The following RGMB variants were observed in gnomAD, a reference collection of about 807,000 sequenced individuals.
RGMB encodes the protein repulsive guidance molecule B.
In RGMB, 16 loss-of-function variants were observed where a neutral mutation model predicts 26.9. That is an observed-to-expected ratio of 0.60 (90% CI 0.40 to 0.90). The LOEUF (loss-of-function observed/expected upper bound fraction) is 0.90, where lower values mean the gene tolerates loss of function less well. Among genes scored for constraint, RGMB ranks in the 40% least tolerant of loss-of-function variants. The pLI is 0.00. For synonymous variants in RGMB, 225 were observed against 229.3 expected (o/e 0.98, Z 0.17); for missense variants, 512 against 573.3 (o/e 0.89, Z 1.09).
rs1746981438 is a variant in RGMB at position 98,793,028 on chromosome 5, T to G, written c.646-57T>G. On this transcript the variant is annotated intron_variant, in intron 2 of 2. Transcript: ENST00000513185. ...GCGGGGAGCTCTTGCTACAGAGGGT[T>G]ACCCCGTTCTGCTTCCTTCCCATTC... 3 of 1,406,310 alleles carry G rather than the reference T, an allele frequency of 2.1e-6. No homozygotes were observed. In the South Asian group the frequency reaches 4.2e-5, roughly 20 times the overall value. The allele number at this position is 1,406,310 out of a possible 1,614,324, so 87.1% of individuals were successfully genotyped here.
chr5:98,783,473 C>G (rs1746670221), intron 2 of RGMB, among the ~76,000 whole-genome samples: 1 of 152,210 alleles, frequency 6.6e-6, no homozygotes, highest in Admixed American at 6.5e-5. Flanking sequence ...CCACCCTTCA[C>G]AGGCTCCAGA....
In RGMB at chr5:98,774,025, C is replaced by G. The variant is rs1025080233; in HGVS notation, c.-46C>G. ...ACGGGCCCAGACCCGCCACGGCGCC[C>G]GCGCCGCCGCCCTCGCCGGAGCCCA... On this transcript the variant is annotated 5_prime_UTR_variant, in exon 1 of 3. Transcript: ENST00000513185. The G allele has an allele frequency of 1.4e-6, 1 of 692,698 alleles. No homozygotes were observed. The highest frequency in any genetic ancestry group is 1.7e-5 in the South Asian group (1 of 59,556). 42.9% of individuals were successfully genotyped at this position (692,698 alleles called of 1,614,324 possible).
chr5:98,775,157 A>T (rs1746357751), intron 1 of RGMB, among the ~76,000 whole-genome samples: 1 of 152,172 alleles, frequency 6.6e-6, no homozygotes, highest in Admixed American at 6.5e-5. Context: ...GAGACACTTC[A>T]CAACGTTCTG....
intron 1 of RGMB, among the ~76,000 whole-genome samples, chr5:98,774,594 A>G (rs1286851181): frequency 1.3e-5 from 2 of 152,204 alleles, no homozygotes; most frequent in Non-Finnish European, 2.9e-5. Context: ...CCGCCGTCGC[A>G]GCCGCCTCGG....
intron 1 of RGMB, 96 bp from the exon 2 acceptor site, chr5:98,779,484 G>A: frequency 7.9e-7 from 1 of 1,267,672 alleles, no homozygotes; most frequent in South Asian, 1.9e-5. Flanking sequence ...GTATAAAATA[G>A]AACAAACAAT....
intron 1 of RGMB, among the ~76,000 whole-genome samples, chr5:98,777,656 A>G (rs1433234931): frequency 6.6e-6 from 1 of 152,130 alleles, no homozygotes; most frequent in Non-Finnish European, 1.5e-5. Flanking sequence ...GGAGTTGTTT[A>G]GTTGGTTAAT....
chr5:98,784,802 A>T (rs1431167237), intron 2 of RGMB, among the ~76,000 whole-genome samples: 1 of 152,120 alleles, frequency 6.6e-6, no homozygotes, highest in South Asian at 2.1e-4. Flanking sequence ...GGACTAAGGG[A>T]TATGGTTCTT....
chr5:98,782,713 A>G (rs1208880714), intron 2 of RGMB, among the ~76,000 whole-genome samples: 1 of 152,070 alleles, frequency 6.6e-6, no homozygotes, highest in Non-Finnish European at 1.5e-5. Flanking sequence ...TCCCTTTAAC[A>G]CTGCACTGAA....
chr5:98,784,541 A>G (rs1012460820), intron 2 of RGMB, among the ~76,000 whole-genome samples: 13 of 152,294 alleles, frequency 8.5e-5, no homozygotes, highest in African/African-American at 2.9e-4. Flanking sequence ...TTGTTCTACA[A>G]CAGCATGTGG....
In RGMB at chr5:98,793,543, T is replaced by C; in HGVS notation, c.1104T>C (p.Tyr368=). Residue 368 remains tyrosine (Y), a synonymous_variant, in exon 3 of 3, where the codon TAT becomes TAC. Coordinates refer to ENST00000513185, the MANE Select transcript of RGMB (RefSeq NM_001366508.1). ...AGAAGATGCCAGTGAAGGACATCTATTTCCAGTCCTGTGTCTTCGACCTGC... is the reference window on the plus strand; with the variant it reads ...AGAAGATGCCAGTGAAGGACATCTACTTCCAGTCCTGTGTCTTCGACCTGC... ...CHEKMPVKDI[Y]FQSCVFDLLT... is the part of the protein sequence containing the mutation. 6.2e-7 allele frequency: 1 copy of C among 1,614,012 alleles called. No homozygotes were observed. Among genetic ancestry groups the C allele is most frequent in the Non-Finnish European group, 8.5e-7 (1 of 1,179,884 alleles).
intron 2 of RGMB, among the ~76,000 whole-genome samples, chr5:98,785,410 AG>A (rs1746740688): frequency 6.6e-6 from 1 of 152,178 alleles, no homozygotes; most frequent in Admixed American, 6.5e-5. Context: ...GCAAGTTGGC[AG>A]GGGTGTCAAG....
intron 1 of RGMB, among the ~76,000 whole-genome samples, chr5:98,775,210 G>A (rs1746360042): frequency 6.6e-6 from 1 of 152,156 alleles, no homozygotes; most frequent in African/African-American, 2.4e-5. Flanking sequence ...ACTGTGCGGA[G>A]TAATTTTTAC....
At position 98,795,413 on chromosome 5, in the gene RGMB, GGAA is replaced by G. The variant is rs1747086420; in HGVS notation, c.*1663_*1665del. 1 of 152,224 alleles carries G rather than the reference GGAA, an allele frequency of 6.6e-6. No individual in the cohort carries two copies. Among genetic ancestry groups the G allele is most frequent in the African/African-American group, 2.4e-5 (1 of 41,454 alleles). The allele number at this position is 152,224 out of a possible 1,614,324, so 9.4% of individuals were successfully genotyped here. On this transcript the variant is annotated 3_prime_UTR_variant, in exon 3 of 3. Coordinates refer to ENST00000513185, the MANE Select transcript of RGMB (RefSeq NM_001366508.1). The stretch of plus-strand genomic sequence containing the variant: ...CTGCCAGAGGCCCATACCGGCAAGA[GGAA>G]GAGGACGTCATTTTGTAAAGTTTAA...
chr5:98,793,061 C>A (rs369065370), intron 2 of RGMB, 24 bp from the exon 3 acceptor site: 10 of 1,561,566 alleles, frequency 6.4e-6, no homozygotes, highest in African/African-American at 1.4e-5. Flanking sequence ...TTCTGTTAAA[C>A]CTTGTACATG....
chr5:98,769,907 C>A, upstream of RGMB: 1 of 152,832 alleles, frequency 6.5e-6, no homozygotes. Context: ...TCAACGCTTC[C>A]CGCACCCGCT....
Position 98,775,259 on chromosome 5 carries a change from T to C in RGMB, c.136+1053T>C, listed in dbSNP as rs1746361477. 5.3e-5 allele frequency among the ~76,000 whole-genome samples: 8 copies of C among 152,074 alleles called. 1 individual carries two copies. In the South Asian group the frequency reaches 1.2e-3, roughly 24 times the overall value. ...CCCGCCATGCTAAAAATCAGGGAGG[T>C]CTTTTAAGTAATGGGGGGGAAAATG... On this transcript the variant is annotated intron_variant, in intron 1 of 2. Transcript: ENST00000513185.
Position 98,780,464 on chromosome 5 carries a change from G to T in RGMB, c.645+376G>T, listed in dbSNP as rs73773572. On this transcript the variant is annotated intron_variant, in intron 2 of 2. Coordinates refer to ENST00000513185, the MANE Select transcript of RGMB (RefSeq NM_001366508.1). The stretch of plus-strand genomic sequence containing the variant: ...CAGATTTATCAGATGATTGAAGTGG[G>T]TGTTCTGAATAAAGAAAGCTGTGAG... 6.1e-3 allele frequency: 1,012 copies of T among 166,764 alleles called. 16 individuals are homozygous for T. Among genetic ancestry groups the T allele is most frequent in the African/African-American group, 0.021 (890 of 41,966 alleles). The allele number at this position is 166,764 out of a possible 1,614,324, so 10.3% of individuals were successfully genotyped here.
intron 2 of RGMB, among the ~76,000 whole-genome samples, chr5:98,791,346 TA>T (rs1296269561): frequency 1.3e-5 from 2 of 152,170 alleles, no homozygotes; most frequent in Non-Finnish European, 2.9e-5. Flanking sequence ...CTGGCTGAAG[TA>T]AAATGAAATG....
intron 2 of RGMB, among the ~76,000 whole-genome samples, chr5:98,786,232 A>G (rs1746763249): frequency 6.6e-6 from 1 of 152,134 alleles, no homozygotes; most frequent in Non-Finnish European, 1.5e-5. Context: ...GGAGGAAGAG[A>G]CCTTCAGAAT....
Sources: gnomAD v4.1 joint callset for allele counts (sites outside exome capture counted in the v4.1 genomes callset) on GRCh38, gnomAD v4.1.1 for gene constraint, MANE v1.5 for transcripts, NCBI Gene and HGNC (gene_info 2026-07-23, HGNC 2026-07-21) for gene names.